The following CACNA1C variants were observed in gnomAD, a reference collection of about 807,000 sequenced individuals.
CACNA1C encodes the protein calcium voltage-gated channel subunit alpha1 C, also known as voltage-dependent L-type calcium channel subunit alpha-1C.
In CACNA1C, 30 loss-of-function variants were observed where a neutral mutation model predicts 229.0. That is an observed-to-expected ratio of 0.13 (90% CI 0.10 to 0.18). The LOEUF (loss-of-function observed/expected upper bound fraction) is 0.18, where lower values mean the gene tolerates loss of function less well. CACNA1C is among the 10% of genes least tolerant of loss of function. The pLI is 1.00. For synonymous variants in CACNA1C, 1,114 were observed against 1,132.5 expected (o/e 0.98, Z 0.33); for missense variants, 1,658 against 2,845.0 (o/e 0.58, Z 9.49).
chr12:2,384,560 C>T lies in CACNA1C; in HGVS notation c.478-64416C>T, dbSNP rs115801254. Among the ~76,000 whole-genome samples, 843 of 152,304 alleles carry T rather than the reference C, an allele frequency of 5.5e-3. 7 individuals carry two copies. Among genetic ancestry groups the T allele is most frequent in the African/African-American group, 0.019 (791 of 41,550 alleles). On this transcript the variant is annotated intron_variant, in intron 3 of 46. Coordinates refer to ENST00000399655, the MANE Select transcript of CACNA1C (RefSeq NM_000719.7). ...ATGACTCTTTTTCAACCCCAGCCTC[C>T]CTTTCTCCGTTTGTGTACATGCCCT...
chr12:2,153,132 C>T (rs1048487751), intron 3 of CACNA1C, among the ~76,000 whole-genome samples: 1 of 152,106 alleles, frequency 6.6e-6, no homozygotes, highest in Admixed American at 6.5e-5. Flanking sequence ...GACCCTTGAG[C>T]GAATGGAGCA....
At chr12:2,194,687 C>T (rs1369788314) in intron 3 of CACNA1C, among the ~76,000 whole-genome samples, 8 of 152,118 alleles carry the variant, frequency 5.3e-5, no homozygotes, top group Admixed American at 3.3e-4. Context: ...ATCTGAGCTG[C>T]TTTCCTTGTT....
At chr12:2,537,563 T>C (rs1388521830) in intron 9 of CACNA1C, among the ~76,000 whole-genome samples, 4 of 152,106 alleles carry the variant, frequency 2.6e-5, no homozygotes, top group Non-Finnish European at 5.9e-5. Flanking sequence ...TGGAACCGGG[T>C]TGGAGGAGGA....
At chr12:2,135,396 C>G (rs1436281596) in intron 3 of CACNA1C, among the ~76,000 whole-genome samples, 59 of 143,278 alleles carry the variant, frequency 4.1e-4, no homozygotes, top group African/African-American at 1.5e-3. Context: ...ATTTTTAGAG[C>G]TTCCAGTTTT....
rs1006639943 is a variant in CACNA1C at position 2,647,302 on chromosome 12, G to A, written c.3913-1173G>A. Among the ~76,000 whole-genome samples, 6 of 152,196 alleles carry A rather than the reference G, an allele frequency of 3.9e-5. No homozygotes were observed. In the South Asian group the frequency reaches 1.0e-3, roughly 26 times the overall value. ...TCGGGGCTGAGCCCTCTGTGCTGGAGCCCAAAACGTAAGGGCACCTTCCCA... is the reference window on the plus strand; with the variant it reads ...TCGGGGCTGAGCCCTCTGTGCTGGAACCCAAAACGTAAGGGCACCTTCCCA... On this transcript the variant is annotated intron_variant, in intron 30 of 46. Transcript: ENST00000399655. The surrounding 1 kb of genome is among the most constrained non-coding windows in gnomAD (Gnocchi z 4.2).
chr12:2,597,270 C>T lies in CACNA1C; in HGVS notation c.2834C>T (p.Thr945Ile). 6.2e-7 allele frequency: 1 copy of T among 1,611,870 alleles called. No individual in the cohort carries two copies. Among genetic ancestry groups the T allele is most frequent in the African/African-American group, 1.3e-5 (1 of 74,942 alleles). Residue 945 changes from threonine to isoleucine, a missense_variant, in exon 21 of 47, where the codon ACC becomes ATC. Thr to Ile is a moderately conservative substitution (Grantham distance 89). This residue lies in a region of CACNA1C where 52 missense variants were observed against 99.0 expected (regional missense o/e 0.53). Transcript: ENST00000399655. The surrounding 1 kb of genome is among the most constrained non-coding windows in gnomAD (Gnocchi z 4.3). ...YFDIVFTTIFTIEIALKMTAY... is the reference protein window; with the variant it reads ...YFDIVFTTIFIIEIALKMTAY... ...GATATTGTTTTTACCACCATTTTCA[C>T]CATTGAAATTGCTCTGAAGGTAAAG...
chr12:2,060,422 A>T (rs1292899531), intron 1 of CACNA1C, among the ~76,000 whole-genome samples: 1 of 152,058 alleles, frequency 6.6e-6, no homozygotes, highest in Non-Finnish European at 1.5e-5. Context: ...CCCCCGGCCT[A>T]CTCCCAGGAG....
intron 6 of CACNA1C, among the ~76,000 whole-genome samples, chr12:2,487,841 T>C (rs1354302942): frequency 1.3e-5 from 2 of 152,184 alleles, no homozygotes; most frequent in African/African-American, 4.8e-5. Flanking sequence ...TTCAGGTTGA[T>C]TTATAGCTAG....
intron 3 of CACNA1C, among the ~76,000 whole-genome samples, chr12:2,405,403 GAC>G (rs1354587726): frequency 1.3e-5 from 2 of 152,144 alleles, no homozygotes; most frequent in Non-Finnish European, 2.9e-5. Flanking sequence ...TGCACATTTA[GAC>G]ACACCCACCC....
chr12:2,513,151 C>T (rs1314001546), intron 9 of CACNA1C, among the ~76,000 whole-genome samples, 167 bp downstream of exon 9: 2 of 152,218 alleles, frequency 1.3e-5, no homozygotes, highest in East Asian at 1.9e-4. Flanking sequence ...ACACAGACAT[C>T]GGTCACATGT....
In CACNA1C at chr12:2,054,531, G is replaced by A. The variant is rs1246220074; in HGVS notation, c.49+920G>A. Reference sequence around the variant, plus strand: ...GCTCCCCCTGTGATGGTGAAAGGCAGTCAGGTAACTCCCTACTTCCTGGAA... The same window carrying A: ...GCTCCCCCTGTGATGGTGAAAGGCAATCAGGTAACTCCCTACTTCCTGGAA... On this transcript the variant is annotated intron_variant, in intron 1 of 46. Transcript: ENST00000399655. The surrounding 1 kb of genome is among the most constrained non-coding windows in gnomAD (Gnocchi z 5.5). 6.6e-6 allele frequency among the ~76,000 whole-genome samples: 1 copy of A among 152,176 alleles called. No individual in the cohort carries two copies. Among genetic ancestry groups the A allele is most frequent in the Non-Finnish European group, 1.5e-5 (1 of 68,040 alleles).
At position 2,313,763 on chromosome 12, in the gene CACNA1C, G is replaced by A. The variant is rs528457377; in HGVS notation, c.478-135213G>A. 8.3e-4 allele frequency among the ~76,000 whole-genome samples: 126 copies of A among 152,308 alleles called. 1 individual carries two copies. The highest frequency in any genetic ancestry group is 2.9e-3 in the African/African-American group (121 of 41,580). On this transcript the variant is annotated intron_variant, in intron 3 of 46. Coordinates refer to ENST00000399655, the MANE Select transcript of CACNA1C (RefSeq NM_000719.7). ...CGGGAGGGTCTTTCTTGGTGAAGCA[G>A]CATTAGCCATTGGTTGAGACTGAGG...
At chr12:2,547,136 C>G (rs2154591894) in intron 9 of CACNA1C, among the ~76,000 whole-genome samples, 1 of 152,288 alleles carries the variant, frequency 6.6e-6, no homozygotes, top group South Asian at 2.1e-4. Flanking sequence ...CAGCCCCCTC[C>G]TTGGAAGCCT....
At chr12:2,222,252 C>G (rs912354471) in intron 3 of CACNA1C, 3 of 152,206 alleles carry the variant, frequency 2.0e-5, no homozygotes, top group African/African-American at 4.8e-5. Context: ...GGTGGCCCTT[C>G]TTAATACACT....
At chr12:2,497,965 A>C (rs752215434) in intron 7 of CACNA1C, among the ~76,000 whole-genome samples, 16 of 137,584 alleles carry the variant, frequency 1.2e-4, no homozygotes, top group Non-Finnish European at 1.1e-4. Flanking sequence ...TATTTCTATT[A>C]AATTCACACA....
At chr12:2,248,969 T>C (rs1344424299) in intron 3 of CACNA1C, among the ~76,000 whole-genome samples, 1 of 152,164 alleles carries the variant, frequency 6.6e-6, no homozygotes, top group Non-Finnish European at 1.5e-5. Flanking sequence ...TGGCGTAAAA[T>C]AGGCCCTCAG....
intron 5 of CACNA1C, among the ~76,000 whole-genome samples, chr12:2,471,975 G>A (rs546981802): frequency 4.9e-4 from 75 of 152,270 alleles, no homozygotes; most frequent in African/African-American, 1.8e-3. Flanking sequence ...CACCATGCCT[G>A]GCCTGATATT....
chr12:2,116,410 C>T (rs2083886874), intron 2 of CACNA1C, among the ~76,000 whole-genome samples: 1 of 148,532 alleles, frequency 6.7e-6, no homozygotes, highest in Non-Finnish European at 1.5e-5. Context: ...CTCGCTCTGT[C>T]ACCCAGGCTG....
At chr12:2,246,198 G>A (rs1040441513) in intron 3 of CACNA1C, among the ~76,000 whole-genome samples, 2 of 152,212 alleles carry the variant, frequency 1.3e-5, no homozygotes, top group Admixed American at 1.3e-4. Flanking sequence ...AAGGTGAACA[G>A]TGCCCACAGT....
Sources: gnomAD v4.1 joint callset for allele counts (sites outside exome capture counted in the v4.1 genomes callset) on GRCh38, gnomAD v4.1.1 for gene constraint, gnomAD v4.1.1 regional missense constraint, Gnocchi (gnomAD v3.1) non-coding constraint, MANE v1.5 for transcripts, NCBI Gene and HGNC (gene_info 2026-07-23, HGNC 2026-07-21) for gene names.